Variants in SRD5A2 observed in about 807,000 individuals in gnomAD.
The protein encoded by SRD5A2 is 3-oxo-5-alpha-steroid 4-dehydrogenase 2.
Under a neutral mutation model 27.4 loss-of-function variants are expected in SRD5A2, and 30 were observed. That is an observed-to-expected ratio of 1.10 (90% confidence interval 0.82 to 1.49). The LOEUF (loss-of-function observed/expected upper bound fraction) is 1.49. Among genes scored for constraint, SRD5A2 ranks in the 40% most tolerant of loss-of-function variants. The pLI is 0.00. For missense variants in SRD5A2, 348 were observed against 323.4 expected (o/e 1.08, Z -0.58); for synonymous variants, 141 against 133.6 (o/e 1.06, Z -0.38).
the SRD5A2 span, among the ~76,000 whole-genome samples, chr2:31,608,408 G>A: frequency 8.9e-3 from 1,354 of 151,634 alleles, 17 homozygotes; most frequent in South Asian, 0.028. Context: ...AAAAATAATA[G>A]AATAATACAA....
chr2:31,610,533 C>T, the SRD5A2 span, among the ~76,000 whole-genome samples: 1 of 152,112 alleles, frequency 6.6e-6, no homozygotes, highest in Non-Finnish European at 1.5e-5. Context: ...AGCTATCATA[C>T]TCAATGCTGA....
At position 31,526,141 on chromosome 2, in the gene SRD5A2, C is replaced by T. The variant is rs904360429; in HGVS notation, c.*55G>A. The T allele has an allele frequency of 3.6e-6, 4 of 1,121,018 alleles. No homozygotes were observed. Among genetic ancestry groups the T allele is most frequent in the African/African-American group, 1.8e-5 (1 of 57,052 alleles). The allele number at this position is 1,121,018 out of a possible 1,614,324, so 69.4% of individuals were successfully genotyped here. On this transcript the variant is annotated 3_prime_UTR_variant, in exon 5 of 5. Coordinates refer to ENST00000622030, the MANE Select transcript of SRD5A2 (RefSeq NM_000348.4). ...ATCATGAAAATTACAGTTTCAGCAG[C>T]TTGACAGTTTTCATCAGCATTGTGG...
Position 31,531,473 on chromosome 2 carries a change from C to A in SRD5A2, c.446-1G>T. ...ATTCCCAAAATAAATAAGAAGACAC[C>A]TTGACAAAGAAGAGAGAAAGGAGAA... On this transcript the variant is annotated splice_acceptor_variant, in intron 2 of 4. Transcript: ENST00000622030. LOFTEE classifies it high-confidence loss of function. 1 of 1,583,682 alleles carries A rather than the reference C, an allele frequency of 6.3e-7. No homozygotes were observed. Among genetic ancestry groups the A allele is most frequent in the Non-Finnish European group, 8.6e-7 (1 of 1,162,816 alleles).
At chr2:31,599,810 G>T in the SRD5A2 span, among the ~76,000 whole-genome samples, 3 of 151,954 alleles carry the variant, frequency 2.0e-5, no homozygotes, top group East Asian at 5.8e-4. Flanking sequence ...TAAATGAAAT[G>T]AAGAAAACAA....
At chr2:31,623,678 G>C in the SRD5A2 span, among the ~76,000 whole-genome samples, 340 of 152,170 alleles carry the variant, frequency 2.2e-3, 7 homozygotes, top group East Asian at 0.056. Flanking sequence ...CTTGTCTTGA[G>C]CCACTTTTCA....
At chr2:31,608,377 G>A in the SRD5A2 span, among the ~76,000 whole-genome samples, 1 of 151,516 alleles carries the variant, frequency 6.6e-6, no homozygotes, top group African/African-American at 2.4e-5. Flanking sequence ...AAATTCAACA[G>A]GAAAATTAAG....
chr2:31,643,998 T>C, the SRD5A2 span, among the ~76,000 whole-genome samples: 19 of 152,290 alleles, frequency 1.2e-4, no homozygotes, highest in African/African-American at 4.6e-4. Context: ...TTAAAGAATC[T>C]TTCATAATCA....
chr2:31,654,982 C>A, the SRD5A2 span, among the ~76,000 whole-genome samples: 1 of 152,066 alleles, frequency 6.6e-6, no homozygotes, highest in Non-Finnish European at 1.5e-5. Context: ...AAGTTCTGAA[C>A]CAAATTGATA....
At chr2:31,566,210 T>G (rs746815816) in intron 1 of SRD5A2, among the ~76,000 whole-genome samples, 3 of 152,072 alleles carry the variant, frequency 2.0e-5, no homozygotes, top group African/African-American at 7.2e-5. Flanking sequence ...CAAAACAATA[T>G]GTAGGATGAA....
chr2:31,535,856 C>G (rs1172885973), intron 1 of SRD5A2, among the ~76,000 whole-genome samples: 1 of 152,198 alleles, frequency 6.6e-6, no homozygotes, highest in Non-Finnish European at 1.5e-5. Flanking sequence ...GGAAAAAGAA[C>G]AGAGTGAAGA....
upstream of SRD5A2, among the ~76,000 whole-genome samples, chr2:31,584,428 G>C (rs996596619): frequency 6.6e-6 from 1 of 152,104 alleles, no homozygotes; most frequent in African/African-American, 2.4e-5. Context: ...AAAATTACTA[G>C]GCATGTTACA....
chr2:31,630,449 T>C, the SRD5A2 span, among the ~76,000 whole-genome samples: 1 of 152,196 alleles, frequency 6.6e-6, no homozygotes, highest in African/African-American at 2.4e-5. Flanking sequence ...ATGGAAAGTC[T>C]TCTCTATGAC....
chr2:31,612,639 C>T, the SRD5A2 span, among the ~76,000 whole-genome samples: 1 of 152,130 alleles, frequency 6.6e-6, no homozygotes, highest in Non-Finnish European at 1.5e-5. Flanking sequence ...AATTCCATGT[C>T]ATTTTTCACA....
the SRD5A2 span, among the ~76,000 whole-genome samples, chr2:31,631,221 A>C: frequency 6.6e-6 from 1 of 152,156 alleles, no homozygotes; most frequent in Non-Finnish European, 1.5e-5. Flanking sequence ...TCTGAGCACA[A>C]AGGCAACGTT....
At chr2:31,636,190 T>C in the SRD5A2 span, among the ~76,000 whole-genome samples, 2 of 152,090 alleles carry the variant, frequency 1.3e-5, no homozygotes, top group Non-Finnish European at 2.9e-5. Context: ...GCTTTCCATT[T>C]TTGTGTCTTT....
In SRD5A2 at chr2:31,526,197, T is replaced by G. The variant is rs1665777439; in HGVS notation, c.764A>C (p.Ter255SerextTer28). 1 of 1,577,694 alleles carries G rather than the reference T, an allele frequency of 6.3e-7. No homozygotes were observed. The highest frequency in any genetic ancestry group is 8.6e-7 in the Non-Finnish European group (1 of 1,158,452). The change falls in exon 5 of 5, where the codon TAA becomes TCA. Residue 255 changes from the stop codon to serine (S), a stop_lost. Transcript: ENST00000622030. ...SRKALIPFIF* is the reference protein window; with the variant it reads ...SRKALIPFIFS ...CTGCTCCTTTTTAATTTGGTTCCTT[T>G]AAAAGATGAATGGAATAAGGGCTTT...
Position 31,575,363 on chromosome 2 carries a change from G to A in SRD5A2, c.281+5257C>T, listed in dbSNP as rs1407400196. ...ACCCAACCTTTTGTGCTTTGCTTCTGTAAAATGAAGAGGCTGGGCAGATGA... is the reference window on the plus strand; with the variant it reads ...ACCCAACCTTTTGTGCTTTGCTTCTATAAAATGAAGAGGCTGGGCAGATGA... On this transcript the variant is annotated intron_variant, in intron 1 of 4. Transcript: ENST00000622030. Among the ~76,000 whole-genome samples, 4 of 152,210 alleles carry A rather than the reference G, an allele frequency of 2.6e-5. No individual in the cohort carries two copies. The South Asian group carries it at 8.3e-4, about 31-fold the overall frequency.
upstream of SRD5A2, among the ~76,000 whole-genome samples, chr2:31,582,099 T>A (rs1399496770): frequency 1.3e-5 from 2 of 152,166 alleles, no homozygotes; most frequent in African/African-American, 4.8e-5. Context: ...TCCTGTCCCA[T>A]CTCCCTTGAT....
chr2:31,633,927 C>T, the SRD5A2 span, among the ~76,000 whole-genome samples: 2 of 152,052 alleles, frequency 1.3e-5, no homozygotes, highest in African/African-American at 4.8e-5. Context: ...CACATGTACC[C>T]TAGAACTTAA....
Sources: gnomAD v4.1 joint callset for allele counts (sites outside exome capture counted in the v4.1 genomes callset) on GRCh38, gnomAD v4.1.1 for gene constraint, MANE v1.5 for transcripts, NCBI Gene and HGNC (gene_info 2026-07-23, HGNC 2026-07-21) for gene names.